Variants in TMTC2 observed in about 807,000 individuals in gnomAD.
The protein encoded by TMTC2 is transmembrane O-mannosyltransferase targeting cadherins 2.
A neutral mutation model predicts 82.4 loss-of-function variants in TMTC2; 43 were observed. That is an observed-to-expected ratio of 0.52 (90% CI 0.41 to 0.67). The LOEUF (loss-of-function observed/expected upper bound fraction) is 0.67. TMTC2 is among the 30% of genes least tolerant of loss of function. TMTC2 has a pLI of 0.00. For synonymous variants in TMTC2, 408 were observed against 381.9 expected, an observed-to-expected ratio of 1.07 and a Z score of -0.80; for missense variants, 919 against 1,012.4, an observed-to-expected ratio of 0.91 and a Z score of 1.25.
At position 82,787,913 on chromosome 12, in the gene TMTC2, A is replaced by AAAT. The variant is rs547070452; in HGVS notation, c.84-69078_84-69076dup. Among the ~76,000 whole-genome samples the AAAT allele has an allele frequency of 1.6e-3, 250 of 151,794 alleles. 1 individual carries two copies. In the East Asian group the frequency reaches 0.03, roughly 18 times the overall value. On this transcript the variant is annotated intron_variant, in intron 1 of 11. Coordinates refer to ENST00000321196, the MANE Select transcript of TMTC2 (RefSeq NM_152588.3). ...GGGTGACAGAGCAAGACTCCATCTCAAATAATAATAATAATAATAATTTTA... is the reference window on the plus strand; with the variant it reads ...GGGTGACAGAGCAAGACTCCATCTCAAATAATAATAATAATAATAATAATTTTA...
At chr12:82,811,583 A>G (rs1868394143) in intron 1 of TMTC2, among the ~76,000 whole-genome samples, 1 of 151,952 alleles carries the variant, frequency 6.6e-6, no homozygotes, top group African/African-American at 2.4e-5. Context: ...AAGCTTTAGT[A>G]TTTTCAAAGG....
intron 2 of TMTC2, among the ~76,000 whole-genome samples, chr12:82,864,496 CTTT>C (rs775559477): frequency 9.3e-6 from 1 of 107,792 alleles, no homozygotes. Flanking sequence ...ATGTCACATT[CTTT>C]TTTTTTTTTT....
intron 2 of TMTC2, among the ~76,000 whole-genome samples, chr12:82,870,319 A>G (rs542419728): frequency 4.6e-5 from 7 of 152,300 alleles, no homozygotes; most frequent in African/African-American, 1.7e-4. Flanking sequence ...TTCAGCTCAC[A>G]TTCAAATGGA....
intron 11 of TMTC2, among the ~76,000 whole-genome samples, chr12:83,086,806 G>A (rs748811524): frequency 2.6e-5 from 4 of 152,190 alleles, no homozygotes; most frequent in East Asian, 1.9e-4. Flanking sequence ...AAATGCTAAC[G>A]GTCATCTGAG....
Position 82,905,540 on chromosome 12 carries a change from A to C in TMTC2, c.1483+8894A>C, listed in dbSNP as rs114790681. On this transcript the variant is annotated intron_variant, in intron 3 of 11. Transcript: ENST00000321196. ...TGTAAATATGTGAAATGATAAATAC[A>C]AAAGATATATGTAAAATTTCATACA... Among the ~76,000 whole-genome samples the C allele has an allele frequency of 2.8e-3, 421 of 152,360 alleles. 2 individuals are homozygous for C. The highest frequency in any genetic ancestry group is 9.7e-3 in the African/African-American group (404 of 41,580).
chr12:82,746,341 G>A (rs1334347531), intron 1 of TMTC2, among the ~76,000 whole-genome samples: 1 of 152,066 alleles, frequency 6.6e-6, no homozygotes, highest in Non-Finnish European at 1.5e-5. Context: ...TTTATCTTGA[G>A]TGCCAGGGCT....
At position 83,051,077 on chromosome 12, in the gene TMTC2, C is replaced by T. The variant is rs867027674; in HGVS notation, c.2267+59C>T. The T allele has an allele frequency of 1.1e-4, 137 of 1,234,230 alleles. No homozygotes were observed. In the Middle Eastern group the frequency reaches 1.7e-3, roughly 16 times the overall value. The allele number at this position is 1,234,230 out of a possible 1,614,324, so 76.5% of individuals were successfully genotyped here. A position where few individuals can be genotyped will look rare whatever the true frequency, so the allele number is the denominator to read the frequency against. ...GGCTTTGAGAGGGTAATTAATTATA[C>T]GAATTTTCCCATCATACACCTTATT... On this transcript the variant is annotated intron_variant, in intron 10 of 11. Coordinates refer to ENST00000321196, the MANE Select transcript of TMTC2 (RefSeq NM_152588.3).
intron 11 of TMTC2, among the ~76,000 whole-genome samples, chr12:83,127,132 C>T (rs1592511946): frequency 6.6e-6 from 1 of 151,978 alleles, no homozygotes; most frequent in African/African-American, 2.4e-5. Context: ...TTTAAGTTTG[C>T]AAATTATATT....
At chr12:83,074,528 G>A (rs1162193516) in intron 11 of TMTC2, among the ~76,000 whole-genome samples, 1 of 152,060 alleles carries the variant, frequency 6.6e-6, no homozygotes, top group African/African-American at 2.4e-5. Flanking sequence ...GCTGCTCTAG[G>A]GGATGGGGTT....
chr12:82,727,044 C>T (rs534282721), intron 1 of TMTC2, among the ~76,000 whole-genome samples: 8 of 151,518 alleles, frequency 5.3e-5, no homozygotes, highest in Non-Finnish European at 1.0e-4. Context: ...ATAAGGAAAA[C>T]TAGATGTTTT....
chr12:83,087,806 C>CAGG (rs1565883387), intron 11 of TMTC2, among the ~76,000 whole-genome samples: 2 of 152,040 alleles, frequency 1.3e-5, no homozygotes, highest in East Asian at 1.9e-4. Context: ...TTATAGAGCA[C>CAGG]AAGAGGAGAT....
At chr12:82,772,474 C>T (rs879588966) in intron 1 of TMTC2, among the ~76,000 whole-genome samples, 4 of 152,138 alleles carry the variant, frequency 2.6e-5, no homozygotes, top group Admixed American at 6.5e-5. Flanking sequence ...TTCACTTACA[C>T]TAACTACATT....
intron 1 of TMTC2, among the ~76,000 whole-genome samples, chr12:82,714,423 AGTGCTTCCTTATCAGAAAG>A (rs1191396332): frequency 1.3e-5 from 2 of 152,206 alleles, no homozygotes; most frequent in African/African-American, 4.8e-5. Context: ...AATGTAGTAG[AGTGCTTCCTTATCAGAAAG>A]GTGCCCTGGA....
At chr12:82,797,218 G>A (rs1878763339) in intron 1 of TMTC2, among the ~76,000 whole-genome samples, 1 of 152,110 alleles carries the variant, frequency 6.6e-6, no homozygotes, top group Non-Finnish European at 1.5e-5. Context: ...TATACCACTG[G>A]AAAATGATTT....
rs186234677 is a variant in TMTC2 at position 83,033,718 on chromosome 12, T to C, written c.2152+2839T>C. Among the ~76,000 whole-genome samples the C allele has an allele frequency of 5.9e-3, 900 of 151,580 alleles. 14 individuals are homozygous for C. The highest frequency in any genetic ancestry group is 0.021 in the African/African-American group (859 of 41,310). The stretch of plus-strand genomic sequence containing the variant: ...GTGAGCCAAGATCGCACCACTGCAC[T>C]CCAGCCTGGGTGAGAGAGCAAGACT... On this transcript the variant is annotated intron_variant, in intron 9 of 11. Transcript: ENST00000321196.
At chr12:82,857,700 T>G (rs1871333841) in intron 2 of TMTC2, 120 bp downstream of exon 2, 1 of 913,944 alleles carries the variant, frequency 1.1e-6, no homozygotes, top group African/African-American at 1.7e-5. Flanking sequence ...AAGTTCCTTT[T>G]TGATCTTCAG....
chr12:82,907,878 C>A (rs1463067024), intron 3 of TMTC2, among the ~76,000 whole-genome samples: 2 of 152,014 alleles, frequency 1.3e-5, no homozygotes, highest in Non-Finnish European at 2.9e-5. Flanking sequence ...CTCTAGGAGG[C>A]CGAGGTGGGC....
intron 8 of TMTC2, among the ~76,000 whole-genome samples, chr12:82,988,090 C>A (rs1296898063): frequency 6.6e-6 from 1 of 151,940 alleles, no homozygotes; most frequent in Non-Finnish European, 1.5e-5. Context: ...AAGTACTGGG[C>A]AAAGAAATTG....
intron 4 of TMTC2, among the ~76,000 whole-genome samples, chr12:82,949,147 G>A (rs887461939): frequency 6.6e-6 from 1 of 152,132 alleles, no homozygotes; most frequent in Non-Finnish European, 1.5e-5. Context: ...CCTCTGCAGT[G>A]GTTACACACT....
Sources: gnomAD v4.1 joint callset for allele counts (sites outside exome capture counted in the v4.1 genomes callset) on GRCh38, gnomAD v4.1.1 for gene constraint, MANE v1.5 for transcripts, NCBI Gene and HGNC (gene_info 2026-07-23, HGNC 2026-07-21) for gene names.